PTPRD: variants seen among roughly 807,000 people sequenced by gnomAD.
PTPRD encodes receptor-type tyrosine-protein phosphatase delta.
PTPRD carries 34 observed loss-of-function variants against 214.5 expected under a neutral mutation model. The ratio of observed to expected loss-of-function variants is 0.16; its 90% confidence interval spans 0.12 to 0.21. The LOEUF is 0.21. Ranked by LOEUF, PTPRD falls within the 10% of genes least tolerant of loss-of-function variation. PTPRD has a pLI of 1.00. For synonymous variants in PTPRD, 1,128 were observed against 845.7 expected (o/e 1.33, Z -5.79); for missense variants, 2,545 against 2,398.7 (o/e 1.06, Z -1.27).
chr9:8,905,467 C>T (rs954838675), intron 11 of PTPRD, among the ~76,000 whole-genome samples: 1 of 151,878 alleles, frequency 6.6e-6, no homozygotes, highest in African/African-American at 2.4e-5. Flanking sequence ...AGCCGGACGT[C>T]GTGGCTCACA....
chr9:8,975,097 CAAA>C (rs35644783), intron 11 of PTPRD, among the ~76,000 whole-genome samples: 4 of 116,420 alleles, frequency 3.4e-5, no homozygotes, highest in Non-Finnish European at 3.6e-5. Flanking sequence ...AACTCTGTCT[CAAA>C]AAAAAAAAAA....
chr9:9,606,193 C>G (rs977888089), intron 7 of PTPRD, among the ~76,000 whole-genome samples: 1 of 152,086 alleles, frequency 6.6e-6, no homozygotes, highest in African/African-American at 2.4e-5. Flanking sequence ...TACACTCGGT[C>G]AAACTTACTA....
intron 8 of PTPRD, among the ~76,000 whole-genome samples, chr9:9,410,844 A>G (rs772642016): frequency 3.3e-5 from 5 of 152,170 alleles, no homozygotes; most frequent in Admixed American, 6.5e-5. Context: ...ACATGTAAAC[A>G]AGAAACACAT....
chr9:8,485,076 C>T, intron 29 of PTPRD, 151 bp downstream of exon 29: 1 of 639,550 alleles, frequency 1.6e-6, no homozygotes, highest in East Asian at 2.8e-5. Flanking sequence ...TACAAAGCAC[C>T]AAACTGTCTC....
chr9:8,597,795 G>A (rs2094554646), intron 14 of PTPRD, among the ~76,000 whole-genome samples: 1 of 151,982 alleles, frequency 6.6e-6, no homozygotes, highest in Non-Finnish European at 1.5e-5. Flanking sequence ...GTCTGAATTG[G>A]TAAAAATACT....
At chr9:9,560,620 C>T (rs2082669791) in intron 8 of PTPRD, among the ~76,000 whole-genome samples, 1 of 152,208 alleles carries the variant, frequency 6.6e-6, no homozygotes, top group Non-Finnish European at 1.5e-5. Context: ...AAGACCCACT[C>T]ACTTCATCCC....
chr9:10,279,177 T>A (rs1334752316), intron 3 of PTPRD, among the ~76,000 whole-genome samples: 2 of 151,234 alleles, frequency 1.3e-5, no homozygotes, highest in Non-Finnish European at 2.9e-5. Context: ...CCTCCACTCT[T>A]GTCAGTAGTA....
chr9:8,693,063 G>C (rs1277275751), intron 12 of PTPRD, among the ~76,000 whole-genome samples: 1 of 152,220 alleles, frequency 6.6e-6, no homozygotes, highest in Non-Finnish European at 1.5e-5. Context: ...ATTGTAAATG[G>C]TAACTCTATG....
At chr9:10,134,287 G>A (rs1592024656) in intron 3 of PTPRD, among the ~76,000 whole-genome samples, 1 of 152,274 alleles carries the variant, frequency 6.6e-6, no homozygotes. Flanking sequence ...AGGGAGCACA[G>A]CCTGACAGGT....
intron 10 of PTPRD, among the ~76,000 whole-genome samples, chr9:9,035,941 A>C (rs1177725842): frequency 6.6e-6 from 1 of 152,118 alleles, no homozygotes; most frequent in East Asian, 1.9e-4. Flanking sequence ...TAGTAGCTGA[A>C]GTGTTAATGT....
intron 12 of PTPRD, among the ~76,000 whole-genome samples, chr9:8,695,750 C>A (rs1008323247): frequency 3.3e-5 from 5 of 152,142 alleles, no homozygotes; most frequent in Admixed American, 2.0e-4. Flanking sequence ...TAAATCAAAT[C>A]ATATTTTAAA....
At chr9:10,352,670 ATACAAGCCTTTCT>A (rs1445620808) in intron 2 of PTPRD, among the ~76,000 whole-genome samples, 1 of 152,054 alleles carries the variant, frequency 6.6e-6, no homozygotes, top group Admixed American at 6.6e-5. Context: ...GAGGTGTTGG[ATACAAGCCTTTCT>A]TACTATCTAT....
At chr9:9,129,102 G>A (rs12341389) in intron 10 of PTPRD, among the ~76,000 whole-genome samples, 4,747 of 152,164 alleles carry the variant, frequency 0.031, 154 homozygotes, top group African/African-American at 0.067. Context: ...ATCTAATAAC[G>A]AATTAGGCCG....
intron 5 of PTPRD, among the ~76,000 whole-genome samples, chr9:9,878,113 C>A (rs79667287): frequency 2.6e-5 from 4 of 151,892 alleles, no homozygotes; most frequent in African/African-American, 7.2e-5. Flanking sequence ...TTAAAGAATT[C>A]AACCTCTTCT....
intron 2 of PTPRD, among the ~76,000 whole-genome samples, chr9:10,594,311 T>C (rs2076161768): frequency 6.6e-6 from 1 of 152,010 alleles, no homozygotes; most frequent in Non-Finnish European, 1.5e-5. Flanking sequence ...ATAATGTTTT[T>C]GCAGTCCTTA....
At chr9:8,381,802 T>C (rs1477058964) in intron 37 of PTPRD, among the ~76,000 whole-genome samples, 1 of 152,214 alleles carries the variant, frequency 6.6e-6, no homozygotes, top group East Asian at 1.9e-4. Context: ...CTGCCAGAAG[T>C]TGACATAGGG....
chr9:9,559,649 C>G (rs1481309096), intron 8 of PTPRD, among the ~76,000 whole-genome samples: 1 of 152,180 alleles, frequency 6.6e-6, no homozygotes, highest in Non-Finnish European at 1.5e-5. Flanking sequence ...TATAGTGGAG[C>G]TATGCACATA....
chr9:9,948,475 G>T (rs920114049), intron 4 of PTPRD, among the ~76,000 whole-genome samples: 16 of 152,028 alleles, frequency 1.1e-4, no homozygotes, highest in African/African-American at 3.9e-4. Context: ...GGCAGGTGAT[G>T]AACATTTTAA....
intron 6 of PTPRD, among the ~76,000 whole-genome samples, chr9:9,741,640 G>A (rs111859834): frequency 2.0e-5 from 3 of 152,088 alleles, no homozygotes; most frequent in African/African-American, 7.2e-5. Context: ...AGTGTGTGAT[G>A]TTCGCCTCCC....
Sources: allele counts gnomAD v4.1 joint callset (sites outside exome capture counted in the v4.1 genomes callset), GRCh38; gene constraint gnomAD v4.1.1; transcripts MANE v1.5; gene names NCBI Gene and HGNC (gene_info 2026-07-23, HGNC 2026-07-21).